The following PPP3CB variants were observed in gnomAD, a reference collection of about 807,000 sequenced individuals.
PPP3CB encodes serine/threonine-protein phosphatase 2B catalytic subunit beta isoform.
PPP3CB carries 8 observed loss-of-function variants against 66.4 expected under a neutral mutation model. That is an observed-to-expected ratio of 0.12 (90% CI 0.07 to 0.22). The LOEUF is 0.22. Ranked by LOEUF, PPP3CB falls within the 10% of genes least tolerant of loss-of-function variation. The pLI, the probability that PPP3CB is intolerant of heterozygous loss-of-function variation, is 1.00. For missense variants in PPP3CB, 319 were observed against 642.5 expected, an observed-to-expected ratio of 0.50 and a Z score of 5.44; for synonymous variants, 208 against 221.2, an observed-to-expected ratio of 0.94 and a Z score of 0.53.
intron 12 of PPP3CB, among the ~76,000 whole-genome samples, chr10:73,443,298 A>C (rs557816089): frequency 9.2e-5 from 13 of 142,052 alleles, no homozygotes; most frequent in African/African-American, 3.2e-4. Flanking sequence ...GAAAGAAAGA[A>C]AGAAAGAAAG....
chr10:73,458,808 G>A (rs1458375345), intron 9 of PPP3CB, among the ~76,000 whole-genome samples: 1 of 152,016 alleles, frequency 6.6e-6, no homozygotes, highest in African/African-American at 2.4e-5. Flanking sequence ...AGTGGCTCAT[G>A]CCTGTAATCC....
At position 73,464,283 on chromosome 10, in the gene PPP3CB, C is replaced by G. The variant is rs1437667414; in HGVS notation, c.1108+3270G>C. On this transcript the variant is annotated intron_variant, in intron 9 of 13. Coordinates refer to ENST00000360663, the MANE Select transcript of PPP3CB (RefSeq NM_021132.4). ...CTATAAAACTACGCTTGTCTTGGAG[C>G]ACTTACCATATTACATCTTATTATC... 5.9e-5 allele frequency among the ~76,000 whole-genome samples: 9 copies of G among 152,120 alleles called. No homozygotes were observed. The East Asian group carries it at 1.7e-3, about 29-fold the overall frequency.
In PPP3CB at chr10:73,479,373, C is replaced by A. The variant is rs1465995395; in HGVS notation, c.230G>T (p.Gly77Val). 6.2e-7 allele frequency: 1 copy of A among 1,613,958 alleles called. No individual in the cohort carries two copies. The highest frequency in any genetic ancestry group is 1.3e-5 in the African/African-American group (1 of 74,914). ...EEIALRIINE[G>V]AAILRREKTM... The stretch of plus-strand genomic sequence containing the variant: ...TTTCTCTCTCCGAAGGATGGCAGCA[C>A]CCTCATTGATAATTCTAAGCGCAAT... Residue 77 changes from glycine to valine, a missense_variant, in exon 2 of 14, where the codon GGT becomes GTT. Gly to Val is a moderately radical substitution (Grantham distance 109). Around this residue, in one of 5 missense-constraint regions of PPP3CB, gnomAD observed 104 missense variants for 128.4 expected, o/e 0.81. Coordinates refer to ENST00000360663, the MANE Select transcript of PPP3CB (RefSeq NM_021132.4).
chr10:73,490,569 C>T (rs2057055972), intron 1 of PPP3CB, among the ~76,000 whole-genome samples: 1 of 152,220 alleles, frequency 6.6e-6, no homozygotes, highest in African/African-American at 2.4e-5. Flanking sequence ...ATATGATTGG[C>T]ACGCTTTGTT....
At chr10:73,473,381 C>T (rs1269479562) in intron 4 of PPP3CB, among the ~76,000 whole-genome samples, 13 of 152,032 alleles carry the variant, frequency 8.6e-5, no homozygotes, top group Admixed American at 6.6e-4. Context: ...AGGCCAGATG[C>T]GGTGGTTCAC....
intron 12 of PPP3CB, among the ~76,000 whole-genome samples, chr10:73,440,433 A>G (rs1284851341): frequency 2.0e-5 from 3 of 152,200 alleles, no homozygotes; most frequent in Non-Finnish European, 4.4e-5. Context: ...TGTAATTTAT[A>G]AGGCAAAACA....
chr10:73,484,843 G>A (rs1007977822), intron 1 of PPP3CB, among the ~76,000 whole-genome samples: 7 of 152,028 alleles, frequency 4.6e-5, no homozygotes, highest in African/African-American at 7.2e-5. Flanking sequence ...CCTGAGGTCA[G>A]GAGGTCAAGA....
At chr10:73,462,267 T>C (rs2056535527) in intron 9 of PPP3CB, among the ~76,000 whole-genome samples, 1 of 150,666 alleles carries the variant, frequency 6.6e-6, no homozygotes, top group Non-Finnish European at 1.5e-5. Context: ...CAAGCAATCC[T>C]TTCACCTTAG....
intron 1 of PPP3CB, among the ~76,000 whole-genome samples, chr10:73,481,248 G>C (rs1051917053): frequency 2.0e-5 from 3 of 150,850 alleles, no homozygotes; most frequent in Admixed American, 6.6e-5. Context: ...AAGGCCAGTG[G>C]ATCACTTGAA....
At chr10:73,453,337 T>C (rs1224120296) in intron 10 of PPP3CB, among the ~76,000 whole-genome samples, 1 of 152,240 alleles carries the variant, frequency 6.6e-6, no homozygotes, top group African/African-American at 2.4e-5. Context: ...AATATGTTTA[T>C]TTTACTGCTA....
In PPP3CB at chr10:73,444,768, C is replaced by T; in HGVS notation, c.1323G>A (p.Leu441=). The change falls in exon 12 of 14, where the codon TTG becomes TTA. Residue 441 remains leucine (L), a synonymous_variant. Coordinates refer to ENST00000360663, the MANE Select transcript of PPP3CB (RefSeq NM_021132.4). ...GTCCTCCAGCTAACACTCCACTAGGCAACATCCCTGTGGGAGTCAGGCCCT... is the reference window on the plus strand; with the variant it reads ...GTCCTCCAGCTAACACTCCACTAGGTAACATCCCTGTGGGAGTCAGGCCCT... ...TLKGLTPTGM[L]PSGVLAGGRQ... is the part of the protein sequence containing the mutation. 1 of 1,614,012 alleles carries T rather than the reference C, an allele frequency of 6.2e-7. No individual in the cohort carries two copies. Among genetic ancestry groups the T allele is most frequent in the Non-Finnish European group, 8.5e-7 (1 of 1,180,032 alleles).
At position 73,491,022 on chromosome 10, in the gene PPP3CB, G is replaced by GTTTTTTTTTTTTTTTTTT. The variant is rs528238766; in HGVS notation, c.85+4765_85+4782dup. On this transcript the variant is annotated intron_variant, in intron 1 of 13. Coordinates refer to ENST00000360663, the MANE Select transcript of PPP3CB (RefSeq NM_021132.4). ...TAATTTTTGTTTGTTTGTTTTTATT[G>GTTTTTTTTTTTTTTTTTT]TTTTTTTTTTTTTTTTTTTTTTTTT... Among the ~76,000 whole-genome samples, 116 of 40,914 alleles carry GTTTTTTTTTTTTTTTTTT rather than the reference G, an allele frequency of 2.8e-3. 8 individuals carry two copies. The highest frequency in any genetic ancestry group is 4.2e-3 in the Non-Finnish European group (79 of 18,842). The allele number at this position is 40,914 out of a possible 152,430, so 26.8% of individuals were successfully genotyped here.
At chr10:73,450,359 G>A (rs1435982158) in intron 10 of PPP3CB, among the ~76,000 whole-genome samples, 1 of 152,168 alleles carries the variant, frequency 6.6e-6, no homozygotes, top group African/African-American at 2.4e-5. Context: ...GAGTTAGAGG[G>A]AAGAAATCAG....
intron 1 of PPP3CB, among the ~76,000 whole-genome samples, chr10:73,493,606 G>A (rs539904750): frequency 6.6e-6 from 1 of 152,304 alleles, no homozygotes; most frequent in East Asian, 1.9e-4. Context: ...GACTCCATGA[G>A]CAGTGCAAAT....
At chr10:73,451,683 C>T (rs1256195551) in intron 10 of PPP3CB, among the ~76,000 whole-genome samples, 4 of 150,762 alleles carry the variant, frequency 2.7e-5, no homozygotes, top group Non-Finnish European at 5.9e-5. Flanking sequence ...GGTGGGAGGA[C>T]TGCTTGAGGC....
intron 1 of PPP3CB, among the ~76,000 whole-genome samples, chr10:73,491,677 A>G (rs1035123243): frequency 6.6e-6 from 1 of 152,262 alleles, no homozygotes; most frequent in Non-Finnish European, 1.5e-5. Context: ...ATCTGAAAAT[A>G]AGTAATCTGG....
At chr10:73,443,153 C>T (rs113277317) in intron 12 of PPP3CB, among the ~76,000 whole-genome samples, 7,028 of 151,512 alleles carry the variant, frequency 0.046, 495 homozygotes, top group African/African-American at 0.15. Flanking sequence ...GCACTCCAGC[C>T]TGGGTGACAC....
At chr10:73,447,143 A>G (rs971311225) in intron 10 of PPP3CB, among the ~76,000 whole-genome samples, 2 of 152,244 alleles carry the variant, frequency 1.3e-5, no homozygotes, top group Non-Finnish European at 2.9e-5. Flanking sequence ...ACTAAGGGCC[A>G]TACCAGCATT....
chr10:73,485,220 G>A (rs2056952130), intron 1 of PPP3CB, among the ~76,000 whole-genome samples: 1 of 151,962 alleles, frequency 6.6e-6, no homozygotes, highest in African/African-American at 2.4e-5. Flanking sequence ...ATATTCGCAA[G>A]GTATTTTCAC....
Sources: allele counts gnomAD v4.1 joint callset (sites outside exome capture counted in the v4.1 genomes callset), GRCh38; gene constraint gnomAD v4.1.1; regional missense constraint gnomAD v4.1.1; transcripts MANE v1.5; gene names NCBI Gene and HGNC (gene_info 2026-07-23, HGNC 2026-07-21).